Variants in PRKN observed in about 807,000 individuals in gnomAD.
PRKN encodes the protein E3 ubiquitin-protein ligase parkin.
A neutral mutation model predicts 59.5 loss-of-function variants in PRKN; 56 were observed. The ratio of observed to expected loss-of-function variants is 0.94; its 90% confidence interval spans 0.76 to 1.18. The LOEUF (loss-of-function observed/expected upper bound fraction) is 1.18, where lower values mean the gene tolerates loss of function less well. PRKN is among the 50% of genes most tolerant of loss of function. The pLI is 0.00. For synonymous variants in PRKN, 250 were observed against 222.1 expected, an observed-to-expected ratio of 1.13 and a Z score of -1.12; for missense variants, 657 against 596.4, an observed-to-expected ratio of 1.10 and a Z score of -1.06.
At chr6:161,365,255 C>T (rs890856527) in intron 10 of PRKN, among the ~76,000 whole-genome samples, 1 of 152,124 alleles carries the variant, frequency 6.6e-6, no homozygotes, top group Non-Finnish European at 1.5e-5. Context: ...ACTCCCAACC[C>T]GTGTGGACAG....
At chr6:162,218,222 C>T (rs1185828419) in intron 3 of PRKN, among the ~76,000 whole-genome samples, 1 of 152,180 alleles carries the variant, frequency 6.6e-6, no homozygotes, top group Non-Finnish European at 1.5e-5. Flanking sequence ...CTGCGGAAGC[C>T]CCTCTGGGGA....
At chr6:161,776,569 C>T (rs1789933311) in intron 7 of PRKN, among the ~76,000 whole-genome samples, 1 of 152,176 alleles carries the variant, frequency 6.6e-6, no homozygotes, top group Non-Finnish European at 1.5e-5. Flanking sequence ...ACAGACTGCC[C>T]ACCCCAGAGT....
intron 2 of PRKN, among the ~76,000 whole-genome samples, chr6:162,388,705 A>G (rs916255728): frequency 5.3e-5 from 8 of 152,150 alleles, no homozygotes; most frequent in African/African-American, 1.7e-4. Flanking sequence ...GGGGAGGGAC[A>G]TGAACCACCT....
rs199599410 is a variant in PRKN at position 161,771,072 on chromosome 6, G to GATTTCAAAAGCA, written c.871+14699_871+14700insTGCTTTTGAAAT. Among the ~76,000 whole-genome samples, 1,296 of 152,152 alleles carry GATTTCAAAAGCA rather than the reference G, an allele frequency of 8.5e-3. 22 individuals carry two copies. Among genetic ancestry groups the GATTTCAAAAGCA allele is most frequent in the South Asian group, 0.037 (180 of 4,816 alleles). On this transcript the variant is annotated intron_variant, in intron 7 of 11. Coordinates refer to ENST00000366898, the MANE Select transcript of PRKN (RefSeq NM_004562.3). ...GCCTGGGCAAACTGAGACAGTAGTT[G>GATTTCAAAAGCA]ATGGCCGGGCGCAGTGGCTCATGCC...
Position 161,584,467 on chromosome 6 carries a change from T to C in PRKN, c.872-15051A>G, listed in dbSNP as rs1219000914. On this transcript the variant is annotated intron_variant, in intron 7 of 11. Coordinates refer to ENST00000366898, the MANE Select transcript of PRKN (RefSeq NM_004562.3). This position sits in a 1 kb window ranked among gnomAD's most constrained non-coding sequence, Gnocchi z 4.8. ...TAATAATAGTTCTTCTATTATAATC[T>C]TCATGTGCCAAATTGGGGGAAAAAA... Among the ~76,000 whole-genome samples, 1 of 152,244 alleles carries C rather than the reference T, an allele frequency of 6.6e-6. No individual in the cohort carries two copies. Among genetic ancestry groups the C allele is most frequent in the Non-Finnish European group, 1.5e-5 (1 of 68,040 alleles).
intron 1 of PRKN, among the ~76,000 whole-genome samples, chr6:162,660,984 G>A (rs959964699): frequency 2.0e-5 from 3 of 152,088 alleles, no homozygotes; most frequent in Admixed American, 6.6e-5. Context: ...AGGGAGGGCC[G>A]GGTACGGTGC....
At chr6:162,167,146 T>G (rs1023240987) in intron 4 of PRKN, among the ~76,000 whole-genome samples, 1 of 152,210 alleles carries the variant, frequency 6.6e-6, no homozygotes, top group African/African-American at 2.4e-5. Flanking sequence ...GAATTCCATT[T>G]TCGCATTGTC....
At chr6:161,687,573 C>G (rs1444262348) in intron 7 of PRKN, among the ~76,000 whole-genome samples, 1 of 145,426 alleles carries the variant, frequency 6.9e-6, no homozygotes, top group Non-Finnish European at 1.5e-5. Context: ...TTTTCTGCCT[C>G]AGCTTCCTGA....
intron 9 of PRKN, among the ~76,000 whole-genome samples, chr6:161,415,208 C>T (rs1047810291): frequency 2.6e-5 from 4 of 152,168 alleles, no homozygotes; most frequent in African/African-American, 9.7e-5. Context: ...CCAGTAACAA[C>T]TTACCGTGTC....
Position 162,218,950 on chromosome 6 carries a change from G to T in PRKN, c.413-17698C>A, listed in dbSNP as rs572745162. The stretch of plus-strand genomic sequence containing the variant: ...GCACTTTGAGAGGCCAAGAAAGGTG[G>T]ATCACTTGAGCCCAGGAGTTTGAGA... On this transcript the variant is annotated intron_variant, in intron 3 of 11. Transcript: ENST00000366898. 3.9e-5 allele frequency among the ~76,000 whole-genome samples: 6 copies of T among 152,260 alleles called. No homozygotes were observed. In the East Asian group the frequency reaches 1.2e-3, roughly 29 times the overall value.
intron 5 of PRKN, among the ~76,000 whole-genome samples, chr6:162,040,451 G>A (rs903682609): frequency 2.0e-5 from 3 of 150,978 alleles, no homozygotes; most frequent in African/African-American, 7.3e-5. Flanking sequence ...TGTTGTCCAG[G>A]CTGGAGTGCA....
At chr6:161,600,068 T>G (rs915588800) in intron 7 of PRKN, among the ~76,000 whole-genome samples, 5 of 152,206 alleles carry the variant, frequency 3.3e-5, no homozygotes, top group Admixed American at 6.5e-5. Context: ...TAATTTCTTT[T>G]TATTGTACAG....
At chr6:162,276,031 T>C (rs776867902) in intron 2 of PRKN, among the ~76,000 whole-genome samples, 2 of 152,180 alleles carry the variant, frequency 1.3e-5, no homozygotes, top group African/African-American at 2.4e-5. Context: ...AAAATGGCAT[T>C]TAAAGATGAC....
chr6:162,706,318 C>A (rs1466073932), intron 1 of PRKN, among the ~76,000 whole-genome samples: 4 of 152,146 alleles, frequency 2.6e-5, no homozygotes, highest in Non-Finnish European at 5.9e-5. Flanking sequence ...CAGCCAGCTT[C>A]AGTCACAAAG....
At chr6:162,711,330 G>A (rs1778528118) in intron 1 of PRKN, among the ~76,000 whole-genome samples, 1 of 151,834 alleles carries the variant, frequency 6.6e-6, no homozygotes, top group Admixed American at 6.6e-5. Flanking sequence ...CTGCTGATTG[G>A]TCTGAGTGTC....
intron 1 of PRKN, among the ~76,000 whole-genome samples, chr6:162,592,294 G>C (rs562077909): frequency 4.6e-5 from 7 of 152,204 alleles, no homozygotes; most frequent in Non-Finnish European, 7.4e-5. Flanking sequence ...GCTGGCCCAG[G>C]ACCTCATTCT....
At chr6:162,162,708 T>C (rs1213589541) in intron 4 of PRKN, among the ~76,000 whole-genome samples, 1 of 152,138 alleles carries the variant, frequency 6.6e-6, no homozygotes, top group Non-Finnish European at 1.5e-5. Context: ...CTTACCAATT[T>C]GCATTAAAGA....
chr6:162,197,946 A>G (rs58997221), intron 4 of PRKN, among the ~76,000 whole-genome samples: 6,590 of 152,254 alleles, frequency 0.043, 476 homozygotes, highest in African/African-American at 0.15. Flanking sequence ...GCTGAAAGTT[A>G]TCTGATCTTA....
intron 1 of PRKN, among the ~76,000 whole-genome samples, chr6:162,630,103 C>A (rs1217648520): frequency 6.6e-6 from 1 of 152,116 alleles, no homozygotes; most frequent in African/African-American, 2.4e-5. Flanking sequence ...AATAAAAGAT[C>A]CATACTTTTC....
Sources: gnomAD v4.1 joint callset for allele counts (sites outside exome capture counted in the v4.1 genomes callset) on GRCh38, gnomAD v4.1.1 for gene constraint, Gnocchi (gnomAD v3.1) non-coding constraint, MANE v1.5 for transcripts, NCBI Gene and HGNC (gene_info 2026-07-23, HGNC 2026-07-21) for gene names.